The following ZMYND10 variants were observed in gnomAD, a reference collection of about 807,000 sequenced individuals.
ZMYND10 encodes zinc finger MYND-type containing 10.
A neutral mutation model predicts 62.6 loss-of-function variants in ZMYND10; 52 were observed. That is an observed-to-expected ratio of 0.83 (90% CI 0.67 to 1.05). The LOEUF is 1.05. ZMYND10 is among the 50% of genes least tolerant of loss of function. ZMYND10 has a pLI of 0.00. For missense variants in ZMYND10, 438 were observed against 543.3 expected (o/e 0.81, Z 1.93); for synonymous variants, 197 against 218.5 (o/e 0.90, Z 0.87).
chr3:50,342,248 C>T lies in ZMYND10; in HGVS notation c.874-108G>A. The stretch of plus-strand genomic sequence containing the variant: ...AGAATGCCTGTGGGGGCCCATGTCC[C>T]ACTAGCTGGTGTGTCACCTGAGGCC... On this transcript the variant is annotated intron_variant, in intron 8 of 11. Transcript: ENST00000231749. The T allele has an allele frequency of 2.5e-6, 4 of 1,578,658 alleles. No homozygotes were observed. The South Asian group carries it at 4.6e-5, about 18-fold the overall frequency.
At position 50,345,402 on chromosome 3, in the gene ZMYND10, C is replaced by A; in HGVS notation, c.92+86G>T. 1 of 1,532,710 alleles carries A rather than the reference C, an allele frequency of 6.5e-7. No homozygotes were observed. Among genetic ancestry groups the A allele is most frequent in the Non-Finnish European group, 8.8e-7 (1 of 1,134,200 alleles). 94.9% of individuals were successfully genotyped at this position (1,532,710 alleles called of 1,614,324 possible). A position where few individuals can be genotyped will look rare whatever the true frequency, so the allele number is the denominator to read the frequency against. On this transcript the variant is annotated intron_variant, in intron 1 of 11. Coordinates refer to ENST00000231749, the MANE Select transcript of ZMYND10 (RefSeq NM_015896.4). The surrounding 1 kb of genome is among the most constrained non-coding windows in gnomAD (Gnocchi z 5.0). ...TCCCCCATTTGGGAGCCCCTCCACACTGGGCAGCCCCTCCCCCGAGTCAGG... is the reference window on the plus strand; with the variant it reads ...TCCCCCATTTGGGAGCCCCTCCACAATGGGCAGCCCCTCCCCCGAGTCAGG...
rs1201667815 is a variant in ZMYND10, at chr3:50,341,205, C to T, written c.*205G>A. The stretch of plus-strand genomic sequence containing the variant: ...CGGTTTGCTGAAGCAACACACTTGG[C>T]CTACCCACTGGGTGGGGCAGGAAGT... On this transcript the variant is annotated 3_prime_UTR_variant, in exon 12 of 12. Coordinates refer to ENST00000231749, the MANE Select transcript of ZMYND10 (RefSeq NM_015896.4). 6 of 680,448 alleles carry T rather than the reference C, an allele frequency of 8.8e-6. No homozygotes were observed. Among genetic ancestry groups the T allele is most frequent in the African/African-American group, 1.8e-5 (1 of 55,454 alleles). The allele number at this position is 680,448 out of a possible 1,614,324, so 42.2% of individuals were successfully genotyped here. A position where few individuals can be genotyped will look rare whatever the true frequency, so the allele number is the denominator to read the frequency against.
In ZMYND10 at chr3:50,341,286, C is replaced by T; in HGVS notation, c.*124G>A. The T allele has an allele frequency of 5.0e-6, 6 of 1,211,290 alleles. No homozygotes were observed. Among genetic ancestry groups the T allele is most frequent in the Admixed American group, 4.1e-5 (2 of 48,360 alleles). 75.0% of individuals were successfully genotyped at this position (1,211,290 alleles called of 1,614,324 possible). ...GAGATCGGTCAGCAGCTTTACCGCC[C>T]GCTCTGCTCTCCACTGCGGAGACTG... On this transcript the variant is annotated 3_prime_UTR_variant, in exon 12 of 12. Coordinates refer to ENST00000231749, the MANE Select transcript of ZMYND10 (RefSeq NM_015896.4).
chr3:50,341,655 G>A lies in ZMYND10; in HGVS notation c.1166C>T (p.Pro389Leu), dbSNP rs1433273672. The A allele has an allele frequency of 2.5e-6, 4 of 1,614,138 alleles. No individual in the cohort carries two copies. The highest frequency in any genetic ancestry group is 1.1e-5 in the South Asian group (1 of 91,094). ...GCAGTAAGCACAGCGGGGCCGCTCTGGAGCCACTGCCTCTAGCACATCCAG... is the reference window on the plus strand; with the variant it reads ...GCAGTAAGCACAGCGGGGCCGCTCTAGAGCCACTGCCTCTAGCACATCCAG... The part of the protein sequence containing the change: ...YRLDVLEAVA[P>L]ERPRCAYCSA... Residue 389 changes from proline to leucine, a missense_variant, in exon 11 of 12, where the codon CCA becomes CTA. Coordinates refer to ENST00000231749, the MANE Select transcript of ZMYND10 (RefSeq NM_015896.4).
chr3:50,341,518 C>A (rs369319087), intron 11 of ZMYND10, 33 bp from the exon 12 acceptor site: 32 of 1,614,128 alleles, frequency 2.0e-5, no homozygotes, highest in Admixed American at 5.0e-5. Flanking sequence ...GATGGCAATG[C>A]ATGTGGGGGA....
chr3:50,344,617 CTT>C (rs10563378), intron 2 of ZMYND10, among the ~76,000 whole-genome samples: 40 of 128,662 alleles, frequency 3.1e-4, no homozygotes, highest in African/African-American at 6.3e-4. Context: ...CCATGCCCGG[CTT>C]TTTTTTTTTT....
chr3:50,342,168 G>A (rs1367704394), intron 8 of ZMYND10, 28 bp from the exon 9 acceptor site: 3 of 1,600,226 alleles, frequency 1.9e-6, no homozygotes, highest in Non-Finnish European at 2.6e-6. Context: ...GGAGGCCAGT[G>A]TGATGCAGGT....
In ZMYND10 at chr3:50,345,514, G is replaced by A. The variant is rs1703518138; in HGVS notation, c.66C>T (p.Phe22=). The A allele has an allele frequency of 1.2e-6, 2 of 1,608,404 alleles. No individual in the cohort carries two copies. Among genetic ancestry groups the A allele is most frequent in the Non-Finnish European group, 1.7e-6 (2 of 1,178,034 alleles). Residue 22 remains phenylalanine (F), a synonymous_variant, in exon 1 of 12, where the codon TTC becomes TTT. Transcript: ENST00000231749. The surrounding 1 kb of genome is among the most constrained non-coding windows in gnomAD (Gnocchi z 5.0). The stretch of plus-strand genomic sequence containing the variant: ...CTTCGGAGCCCATCTCGCGTAGCGG[G>A]AAGCTGCGCAGACCCCGCACCAGCA... ...AEVLVRGLRS[F]PLREMGSEGW...
chr3:50,342,846 G>T, intron 7 of ZMYND10, 72 bp downstream of exon 7: 1 of 1,552,734 alleles, frequency 6.4e-7, no homozygotes, highest in Non-Finnish European at 8.8e-7. Context: ...GTGTGTGCAA[G>T]CTGCCCCCCT....
chr3:50,344,020 A>G (rs916345759), intron 2 of ZMYND10, 170 bp from the exon 3 acceptor site: 10 of 617,942 alleles, frequency 1.6e-5, no homozygotes, highest in African/African-American at 7.4e-5. Context: ...TTGGACCTTC[A>G]TTACCAGCTG....
Position 50,341,428 on chromosome 3 carries a change from C to G in ZMYND10, c.1305G>C (p.Gln435His). 1 of 1,614,206 alleles carries G rather than the reference C, an allele frequency of 6.2e-7. No homozygotes were observed. Residue 435 changes from glutamine (Q) to histidine (H), a missense_variant, in exon 12 of 12, where the codon CAG (glutamine) becomes CAC (histidine). Physicochemically the swap from Gln to His is conservative, Grantham distance 24 (BLOSUM62 0). Transcript: ENST00000231749. Reference sequence around the variant, plus strand: ...GCAGCCCTCATTTGGCTCTGTCACCCTGGGCTGCCAGGACACAAGTCTTTC... The same window carrying G: ...GCAGCCCTCATTTGGCTCTGTCACCGTGGGCTGCCAGGACACAAGTCTTTC... ...KHGKTCVLAA[Q>H]GDRAK
chr3:50,343,679 G>C (rs781181542), intron 3 of ZMYND10, 55 bp downstream of exon 3: 3 of 1,613,428 alleles, frequency 1.9e-6, no homozygotes, highest in South Asian at 1.1e-5. Context: ...TCTCCTCCCC[G>C]GTCCAGAGCC....
chr3:50,343,450 A>G lies in ZMYND10; in HGVS notation c.373-6T>C, dbSNP rs1468225832. The G allele has an allele frequency of 6.2e-7, 1 of 1,611,782 alleles. No homozygotes were observed. The highest frequency in any genetic ancestry group is 1.3e-5 in the African/African-American group (1 of 74,878). On this transcript the variant is annotated splice_polypyrimidine_tract_variant and splice_region_variant and intron_variant, in intron 4 of 11. Transcript: ENST00000231749. ...TCTGCTGACTCACACACCTCCTGGG[A>G]AAAGGAGGAGGGAAACTTTCTGTGT...
chr3:50,342,466 G>A lies in ZMYND10; in HGVS notation c.804C>T (p.Asn268=). The A allele has an allele frequency of 6.2e-7, 1 of 1,613,402 alleles. No individual in the cohort carries two copies. Among genetic ancestry groups the A allele is most frequent in the South Asian group, 1.1e-5 (1 of 90,838 alleles). ...CCTGAGCCTCAGGGCTTAGCAGCAG[G>A]TTGTACAGGGCGATCCACACTTGCC... ...LDGQVWIALY[N]LLLSPEAQAR... Residue 268 remains asparagine (N), a synonymous_variant, in exon 8 of 12, where the codon AAC becomes AAT. Transcript: ENST00000231749.
At chr3:50,342,753 C>T (rs1703426517) in intron 7 of ZMYND10, 165 bp downstream of exon 7, 2 of 1,467,314 alleles carry the variant, frequency 1.4e-6, no homozygotes, top group African/African-American at 1.4e-5. Flanking sequence ...ATGGGCCTGG[C>T]CTGCTGCAGA....
chr3:50,345,648 C>G lies in ZMYND10; in HGVS notation c.-69G>C. ...GGGATGCTGTCACATTCGGGGACGACGGACCCCGACGGTGCCAAAGTCTGG... is the reference window on the plus strand; with the variant it reads ...GGGATGCTGTCACATTCGGGGACGAGGGACCCCGACGGTGCCAAAGTCTGG... On this transcript the variant is annotated 5_prime_UTR_variant, in exon 1 of 12. Transcript: ENST00000231749. The surrounding 1 kb of genome is among the most constrained non-coding windows in gnomAD (Gnocchi z 5.0). The G allele has an allele frequency of 6.6e-7, 1 of 1,512,694 alleles. No individual in the cohort carries two copies. Among genetic ancestry groups the G allele is most frequent in the Non-Finnish European group, 8.8e-7 (1 of 1,132,766 alleles). The allele number at this position is 1,512,694 out of a possible 1,614,324, so 93.7% of individuals were successfully genotyped here. A position where few individuals can be genotyped will look rare whatever the true frequency, so the allele number is the denominator to read the frequency against.
In ZMYND10 at chr3:50,342,067, T is replaced by C; in HGVS notation, c.947A>G (p.His316Arg). 2 of 1,614,122 alleles carry C rather than the reference T, an allele frequency of 1.2e-6. No individual in the cohort carries two copies. Among genetic ancestry groups the C allele is most frequent in the South Asian group, 1.1e-5 (1 of 91,086 alleles). The change falls in exon 9 of 12, where the codon CAT becomes CGT. Residue 316 changes from histidine to arginine, a missense_variant. Transcript: ENST00000231749. ...AGGCTGGGTTTCAGTTAGGGTCAGA[T>C]GGGCCAGGAAACTCTGCAAGTGGGC... ...NLAHLQSFLA[H>R]LTLTETQPPK...
rs928837746 is a variant in ZMYND10 at position 50,343,972 on chromosome 3, A to G, written c.202-122T>C. ...CACTGCTGGGCCCCTAAACTATTCC[A>G]GACCCATGAGTATCCTTCCTGACTT... On this transcript the variant is annotated intron_variant, in intron 2 of 11. Transcript: ENST00000231749. The G allele has an allele frequency of 3.1e-5, 25 of 807,228 alleles. No individual in the cohort carries two copies. The African/African-American group carries it at 3.7e-4, about 12-fold the overall frequency. The allele number at this position is 807,228 out of a possible 1,614,324, so 50.0% of individuals were successfully genotyped here. A position where few individuals can be genotyped will look rare whatever the true frequency, so the allele number is the denominator to read the frequency against.
In ZMYND10 at chr3:50,341,163, C is replaced by T; in HGVS notation, c.*247G>A. On this transcript the variant is annotated 3_prime_UTR_variant, in exon 12 of 12. Coordinates refer to ENST00000231749, the MANE Select transcript of ZMYND10 (RefSeq NM_015896.4). Reference sequence around the variant, plus strand: ...AGAGGAAGAGGGTCCCCACATCCGGCCCTGGCCCTCCTGGTCCGGTTTGCT... The same window carrying T: ...AGAGGAAGAGGGTCCCCACATCCGGTCCTGGCCCTCCTGGTCCGGTTTGCT... 2 of 616,878 alleles carry T rather than the reference C, an allele frequency of 3.2e-6. No individual in the cohort carries two copies. The highest frequency in any genetic ancestry group is 3.9e-5 in the South Asian group (2 of 50,786). 38.2% of individuals were successfully genotyped at this position (616,878 alleles called of 1,614,324 possible).
Sources: allele counts gnomAD v4.1 joint callset (sites outside exome capture counted in the v4.1 genomes callset), GRCh38; gene constraint gnomAD v4.1.1; non-coding constraint Gnocchi (gnomAD v3.1); transcripts MANE v1.5; gene names NCBI Gene and HGNC (gene_info 2026-07-23, HGNC 2026-07-21).